ASTN2: variants seen among roughly 807,000 people sequenced by gnomAD.
ASTN2 encodes astrotactin-2.
In ASTN2, 54 loss-of-function variants were observed where a neutral mutation model predicts 139.8. That is an observed-to-expected ratio of 0.39 (90% CI 0.31 to 0.48). The LOEUF (loss-of-function observed/expected upper bound fraction) is 0.48, where lower values mean the gene tolerates loss of function less well. Ranked by LOEUF, ASTN2 falls within the 20% of genes least tolerant of loss-of-function variation. The probability of loss-of-function intolerance (pLI) is 0.95; values close to 1 mark genes in which losing one functional copy is unlikely to be tolerated. For missense variants in ASTN2, 1,565 were observed against 1,725.1 expected, an observed-to-expected ratio of 0.91 and a Z score of 1.64; for synonymous variants, 756 against 719.5, an observed-to-expected ratio of 1.05 and a Z score of -0.81.
chr9:116,939,843 A>G (rs937855690), intron 10 of ASTN2, among the ~76,000 whole-genome samples: 2 of 152,214 alleles, frequency 1.3e-5, no homozygotes, highest in African/African-American at 4.8e-5. Flanking sequence ...GTTTCCGTCA[A>G]CCATGGACAA....
intron 10 of ASTN2, 71 bp from the exon 11 acceptor site, chr9:116,863,804 A>C: frequency 7.0e-7 from 1 of 1,419,176 alleles, no homozygotes; most frequent in Middle Eastern, 1.8e-4. Flanking sequence ...AATAATGTGA[A>C]TTCATTACAT....
At chr9:116,815,133 C>G (rs1224582641) in intron 12 of ASTN2, among the ~76,000 whole-genome samples, 1 of 152,202 alleles carries the variant, frequency 6.6e-6, no homozygotes, top group Non-Finnish European at 1.5e-5. Flanking sequence ...AACTCTTCCA[C>G]TTGTTACTGA....
chr9:117,224,532 G>A (rs1832639193), intron 2 of ASTN2, among the ~76,000 whole-genome samples: 1 of 152,124 alleles, frequency 6.6e-6, no homozygotes. Context: ...CCCCTCTTTG[G>A]GGTAAGTAGG....
At chr9:116,847,204 C>T (rs952477893) in intron 11 of ASTN2, among the ~76,000 whole-genome samples, 9 of 152,174 alleles carry the variant, frequency 5.9e-5, no homozygotes, top group Middle Eastern at 3.2e-3. Context: ...CAACCTCTGC[C>T]TCCCTGGTTC....
At chr9:116,827,139 G>A (rs1019381969) in intron 11 of ASTN2, among the ~76,000 whole-genome samples, 11 of 151,622 alleles carry the variant, frequency 7.3e-5, no homozygotes, top group Admixed American at 2.0e-4. Flanking sequence ...GAGAAAACCC[G>A]TCTCTATTAA....
chr9:116,803,082 T>TTG (rs1830906026), intron 13 of ASTN2, among the ~76,000 whole-genome samples: 1 of 152,216 alleles, frequency 6.6e-6, no homozygotes, highest in South Asian at 2.1e-4. Flanking sequence ...TTTTTAAAAC[T>TTG]TGTGTGTGTC....
chr9:116,961,308 T>C (rs1422745608), intron 10 of ASTN2, among the ~76,000 whole-genome samples: 1 of 151,914 alleles, frequency 6.6e-6, no homozygotes, highest in Non-Finnish European at 1.5e-5. Context: ...ATCACCACCA[T>C]CTATCTCCAG....
At chr9:117,008,065 A>G (rs1279595292) in intron 7 of ASTN2, 27 bp downstream of exon 7, 1 of 1,553,830 alleles carries the variant, frequency 6.4e-7, no homozygotes, top group African/African-American at 1.4e-5. Flanking sequence ...CCCACCTTCT[A>G]TCCCCATCCC....
At chr9:116,700,585 C>T (rs1861120826) in intron 16 of ASTN2, 1 of 167,084 alleles carries the variant, frequency 6.0e-6, no homozygotes, top group East Asian at 1.9e-4. Flanking sequence ...AGGCCAGGGC[C>T]AACAAAGTGG....
At chr9:116,905,627 A>G (rs1237251556) in intron 10 of ASTN2, among the ~76,000 whole-genome samples, 2 of 152,196 alleles carry the variant, frequency 1.3e-5, no homozygotes, top group African/African-American at 2.4e-5. Flanking sequence ...GCCTAGTACA[A>G]TAAGACTAAA....
chr9:117,042,795 C>T (rs1039121911), intron 5 of ASTN2, among the ~76,000 whole-genome samples: 1 of 152,188 alleles, frequency 6.6e-6, no homozygotes, highest in South Asian at 2.1e-4. Context: ...TTACCCCACC[C>T]TAATCATTTA....
chr9:116,661,702 G>A (rs1023467598), intron 16 of ASTN2, among the ~76,000 whole-genome samples: 2 of 152,068 alleles, frequency 1.3e-5, no homozygotes, highest in Non-Finnish European at 2.9e-5. Context: ...TATACATCTG[G>A]ATGTGAAATT....
chr9:117,379,969 G>A (rs1211710427), intron 1 of ASTN2, among the ~76,000 whole-genome samples: 1 of 152,130 alleles, frequency 6.6e-6, no homozygotes, highest in Non-Finnish European at 1.5e-5. Context: ...TGACAACTCT[G>A]TAGAAGATGG....
intron 13 of ASTN2, among the ~76,000 whole-genome samples, chr9:116,802,041 G>A (rs559622454): frequency 6.6e-6 from 1 of 151,330 alleles, no homozygotes; most frequent in East Asian, 1.9e-4. Context: ...TGGACAGTCA[G>A]TCCTAGGCCA....
At chr9:117,305,244 T>G (rs1359672893) in intron 1 of ASTN2, among the ~76,000 whole-genome samples, 1 of 152,122 alleles carries the variant, frequency 6.6e-6, no homozygotes, top group African/African-American at 2.4e-5. Flanking sequence ...TGGGGACTGA[T>G]CCCTCCTCTG....
intron 19 of ASTN2, among the ~76,000 whole-genome samples, chr9:116,581,532 A>T (rs1200481141): frequency 6.6e-6 from 1 of 152,138 alleles, no homozygotes; most frequent in Non-Finnish European, 1.5e-5. Context: ...TTAACCCGAC[A>T]ACCCCCCAAA....
intron 20 of ASTN2, among the ~76,000 whole-genome samples, chr9:116,480,388 G>A (rs1588098702): frequency 1.3e-5 from 2 of 152,216 alleles, no homozygotes; most frequent in Admixed American, 6.5e-5. Flanking sequence ...GTGAAGGGGA[G>A]AAGTCAGTGT....
At chr9:117,028,794 T>C (rs144135936) in intron 6 of ASTN2, among the ~76,000 whole-genome samples, 468 of 152,298 alleles carry the variant, frequency 3.1e-3, no homozygotes, top group African/African-American at 0.011. Flanking sequence ...GACACTAATG[T>C]GATGGCTGCA....
intron 10 of ASTN2, among the ~76,000 whole-genome samples, chr9:116,918,227 A>G (rs867566681): frequency 7.2e-5 from 11 of 152,120 alleles, no homozygotes; most frequent in Admixed American, 2.0e-4. Flanking sequence ...AGTACCCCAT[A>G]CCTGTGTGGA....
Sources: allele counts gnomAD v4.1 joint callset (sites outside exome capture counted in the v4.1 genomes callset), GRCh38; gene constraint gnomAD v4.1.1; transcripts MANE v1.5; gene names NCBI Gene and HGNC (gene_info 2026-07-23, HGNC 2026-07-21).